RIMBP2: variants seen among roughly 807,000 people sequenced by gnomAD.
The protein encoded by RIMBP2 is RIMS binding protein 2, also known as RIMS-binding protein 2.
RIMBP2 carries 48 observed loss-of-function variants against 118.6 expected under a neutral mutation model. The ratio of observed to expected loss-of-function variants is 0.40; its 90% CI spans 0.32 to 0.51. The LOEUF (loss-of-function observed/expected upper bound fraction) is 0.51. Among genes scored for constraint, RIMBP2 ranks in the 20% least tolerant of loss-of-function variants. RIMBP2 has a pLI of 0.41. For missense variants in RIMBP2, 1,551 were observed against 1,768.3 expected, an observed-to-expected ratio of 0.88 and a Z score of 2.20; for synonymous variants, 762 against 742.9, an observed-to-expected ratio of 1.03 and a Z score of -0.42.
chr12:130,503,043 T>C (rs2049950612), intron 4 of RIMBP2, among the ~76,000 whole-genome samples: 1 of 152,102 alleles, frequency 6.6e-6, no homozygotes, highest in Admixed American at 6.5e-5. Flanking sequence ...TTAAATTCCA[T>C]AGACCAGGAA....
rs2078600494 is a variant in RIMBP2 at position 130,447,198 on chromosome 12, TGAG to T, written c.582-1932_582-1930del. On this transcript the variant is annotated intron_variant, in intron 9 of 22. Coordinates refer to ENST00000690449, the MANE Select transcript of RIMBP2 (RefSeq NM_001393629.1). This position sits in a 1 kb window ranked among gnomAD's most constrained non-coding sequence, Gnocchi z 4.4. ...GGGAGCAGGTAGGGAAGACACACCC[TGAG>T]AGCTTGAGAGGGAAGCCGCGGAGGC... 6.6e-6 allele frequency among the ~76,000 whole-genome samples: 1 copy of T among 151,442 alleles called. No homozygotes were observed. The highest frequency in any genetic ancestry group is 2.1e-4 in the South Asian group (1 of 4,742).
chr12:130,672,757 C>A, intron 1 of RIMBP2, among the ~76,000 whole-genome samples: 1 of 152,212 alleles, frequency 6.6e-6, no homozygotes, highest in East Asian at 1.9e-4. Flanking sequence ...ATGGGTGTCG[C>A]CGGAGCCTCT....
At chr12:130,582,774 T>TCTGGTGTAATCTGGG (rs1421438802) in intron 2 of RIMBP2, among the ~76,000 whole-genome samples, 17 of 152,294 alleles carry the variant, frequency 1.1e-4, no homozygotes, top group Middle Eastern at 3.4e-3. Flanking sequence ...TCTATGTGGT[T>TCTGGTGTAATCTGGG]CTGGTGTAAT....
At chr12:130,416,521 A>G (rs1212773150) in intron 17 of RIMBP2, among the ~76,000 whole-genome samples, 1 of 152,240 alleles carries the variant, frequency 6.6e-6, no homozygotes, top group East Asian at 1.9e-4. Flanking sequence ...GGCTAGTCAC[A>G]TGCAGAAGAT....
At chr12:130,426,771 A>G (rs899458237) in intron 15 of RIMBP2, 2 of 152,184 alleles carry the variant, frequency 1.3e-5, no homozygotes, top group African/African-American at 4.8e-5. Flanking sequence ...CCTTCTGAGG[A>G]GAGAAGGTGA....
chr12:130,450,883 G>A lies in RIMBP2; in HGVS notation c.504+312C>T, dbSNP rs534423794. Among the ~76,000 whole-genome samples, 2 of 152,190 alleles carry A rather than the reference G, an allele frequency of 1.3e-5. No homozygotes were observed. The highest frequency in any genetic ancestry group is 4.8e-5 in the African/African-American group (2 of 41,530). Reference sequence around the variant, plus strand: ...CCCCAACCTCCACAGGCCCCTCCCGGCCAGCTCTGCGTCAACAGCCTTGCT... The same window carrying A: ...CCCCAACCTCCACAGGCCCCTCCCGACCAGCTCTGCGTCAACAGCCTTGCT... On this transcript the variant is annotated intron_variant, in intron 8 of 22. Transcript: ENST00000690449. This position sits in a 1 kb window ranked among gnomAD's most constrained non-coding sequence, Gnocchi z 4.8.
intron 21 of RIMBP2, among the ~76,000 whole-genome samples, chr12:130,402,769 C>T (rs546139696): frequency 3.9e-5 from 6 of 152,342 alleles, no homozygotes; most frequent in Non-Finnish European, 7.3e-5. Context: ...GTCAGTGAGA[C>T]ATCCACTCGT....
At chr12:130,553,268 G>A (rs2056006319) in intron 2 of RIMBP2, among the ~76,000 whole-genome samples, 1 of 152,028 alleles carries the variant, frequency 6.6e-6, no homozygotes, top group Admixed American at 6.6e-5. Flanking sequence ...AGGAAGCACT[G>A]GACACAATAA....
At chr12:130,456,431 C>T (rs2079443492) in intron 7 of RIMBP2, 65 bp downstream of exon 7, 2 of 1,432,484 alleles carry the variant, frequency 1.4e-6, no homozygotes, top group Non-Finnish European at 1.9e-6. Flanking sequence ...CTGTGCACAC[C>T]CTCGCAGGCA....
Position 130,397,371 on chromosome 12 carries a change from G to A in RIMBP2, c.4079C>T (p.Ala1360Val). Residue 1360 changes from alanine to valine, a missense_variant, in exon 23 of 23, where the codon GCA becomes GTA. By Grantham distance (64) the Ala-to-Val change is moderately conservative. Coordinates refer to ENST00000690449, the MANE Select transcript of RIMBP2 (RefSeq NM_001393629.1). Reference protein sequence around the residue: ...KGKKLLKKLGAVK With the variant: ...KGKKLLKKLGVVK ...CCGGAAGCACATGAATCATTTCACT[G>A]CACCCAGCTTTTTCAGCAGTTTCTT... 2.5e-6 allele frequency: 1 copy of A among 398,976 alleles called. No homozygotes were observed. The highest frequency in any genetic ancestry group is 4.4e-6 in the Non-Finnish European group (1 of 226,076). 24.7% of individuals were successfully genotyped at this position (398,976 alleles called of 1,614,324 possible). A position where few individuals can be genotyped will look rare whatever the true frequency, so the allele number is the denominator to read the frequency against.
rs147396403 is a variant in RIMBP2, at chr12:130,623,868, C to A, written c.-217+4454G>T. Among the ~76,000 whole-genome samples, 1 of 152,324 alleles carries A rather than the reference C, an allele frequency of 6.6e-6. No homozygotes were observed. Among genetic ancestry groups the A allele is most frequent in the East Asian group, 1.9e-4 (1 of 5,174 alleles). ...ATCCCACGGTGTACACCACAGTCTC[C>A]CAGAGGTTCCACAGCAGGATTGAGT... is the stretch of plus-strand genomic sequence containing the variant. On this transcript the variant is annotated intron_variant, in intron 2 of 22. Coordinates refer to ENST00000690449, the MANE Select transcript of RIMBP2 (RefSeq NM_001393629.1). The surrounding 1 kb of genome is among the most constrained non-coding windows in gnomAD (Gnocchi z 4.1).
intron 1 of RIMBP2, among the ~76,000 whole-genome samples, chr12:130,700,234 C>T (rs1388745850): frequency 6.6e-6 from 1 of 152,162 alleles, no homozygotes; most frequent in East Asian, 1.9e-4. Flanking sequence ...ACCCACACAG[C>T]CCCAGGCCCG....
rs187156587 is a variant in RIMBP2 at position 130,687,317 on chromosome 12, A to T, written c.-352+28905T>A. On this transcript the variant is annotated intron_variant, in intron 1 of 22. Transcript: ENST00000690449. ...TGTATAAGTAAATCATGTTTAAGAG[A>T]TCAGTGGCCCTATTGTATTGCATAA... 2.6e-5 allele frequency among the ~76,000 whole-genome samples: 4 copies of T among 152,284 alleles called. No homozygotes were observed. In the East Asian group the frequency reaches 7.7e-4, roughly 29 times the overall value.
chr12:130,585,130 T>G (rs759739939), intron 2 of RIMBP2, among the ~76,000 whole-genome samples: 1 of 152,166 alleles, frequency 6.6e-6, no homozygotes, highest in Non-Finnish European at 1.5e-5. Flanking sequence ...GCTCAAGTGA[T>G]CCTCTTGACT....
chr12:130,599,226 T>G (rs146843322), intron 2 of RIMBP2, among the ~76,000 whole-genome samples: 28 of 152,320 alleles, frequency 1.8e-4, no homozygotes, highest in Non-Finnish European at 3.4e-4. Flanking sequence ...TTTTTAGATC[T>G]GACACCAAAG....
At position 130,617,892 on chromosome 12, in the gene RIMBP2, C is replaced by G. The variant is rs11061038; in HGVS notation, c.-217+10430G>C. Among the ~76,000 whole-genome samples, 2 of 152,012 alleles carry G rather than the reference C, an allele frequency of 1.3e-5. No individual in the cohort carries two copies. Among genetic ancestry groups the G allele is most frequent in the Non-Finnish European group, 2.9e-5 (2 of 67,998 alleles). On this transcript the variant is annotated intron_variant, in intron 2 of 22. Coordinates refer to ENST00000690449, the MANE Select transcript of RIMBP2 (RefSeq NM_001393629.1). This position sits in a 1 kb window ranked among gnomAD's most constrained non-coding sequence, Gnocchi z 4.6. ...CAGGTCTCTTTAGAACTGGGAGATT[C>G]TTAGAAACATCTAACTCGGCCGGGT...
chr12:130,521,933 G>A (rs1453856341), intron 2 of RIMBP2, among the ~76,000 whole-genome samples: 1 of 152,204 alleles, frequency 6.6e-6, no homozygotes, highest in Non-Finnish European at 1.5e-5. Flanking sequence ...TTCCCAGCCA[G>A]TGGATGCCCT....
intron 1 of RIMBP2, among the ~76,000 whole-genome samples, chr12:130,632,743 G>A (rs944349605): frequency 1.3e-5 from 2 of 152,212 alleles, no homozygotes; most frequent in Non-Finnish European, 2.9e-5. Context: ...AAGTGGTCCA[G>A]CAAGTTAAAG....
Position 130,578,918 on chromosome 12 carries a change from C to T in RIMBP2, c.-217+49404G>A, listed in dbSNP as rs531463820. The stretch of plus-strand genomic sequence containing the variant: ...ATTATTAAATATATTCATAGTTCTG[C>T]GGTGAAATATGTAAATACAAATCAA... On this transcript the variant is annotated intron_variant, in intron 2 of 22. Transcript: ENST00000690449. The surrounding 1 kb of genome is among the most constrained non-coding windows in gnomAD (Gnocchi z 4.1). Among the ~76,000 whole-genome samples, 7 of 152,074 alleles carry T rather than the reference C, an allele frequency of 4.6e-5. No individual in the cohort carries two copies. The highest frequency in any genetic ancestry group is 3.9e-4 in the East Asian group (2 of 5,188).
Sources: allele counts gnomAD v4.1 joint callset (sites outside exome capture counted in the v4.1 genomes callset), GRCh38; gene constraint gnomAD v4.1.1; non-coding constraint Gnocchi (gnomAD v3.1); transcripts MANE v1.5; gene names NCBI Gene and HGNC (gene_info 2026-07-23, HGNC 2026-07-21).